Variants in COBL observed in about 807,000 individuals in gnomAD.
COBL encodes protein cordon-bleu.
In COBL, 51 loss-of-function variants were observed where a neutral mutation model predicts 98.8. That is an observed-to-expected ratio of 0.52 (90% CI 0.41 to 0.65). The LOEUF is 0.65. COBL is among the 30% of genes least tolerant of loss of function. COBL has a pLI of 0.00. For missense variants in COBL, 1,617 were observed against 1,617.5 expected, an observed-to-expected ratio of 1.00 and a Z score of 0.01; for synonymous variants, 634 against 651.7, an observed-to-expected ratio of 0.97 and a Z score of 0.41.
intron 6 of COBL, among the ~76,000 whole-genome samples, chr7:51,102,836 G>A (rs1303950182): frequency 2.0e-5 from 3 of 152,204 alleles, no homozygotes; most frequent in Admixed American, 6.5e-5. Context: ...GGAAAACCAG[G>A]TGGATTTCTT....
intron 7 of COBL, among the ~76,000 whole-genome samples, chr7:51,065,841 G>A (rs934118788): frequency 3.9e-5 from 6 of 152,190 alleles, no homozygotes; most frequent in Admixed American, 2.6e-4. Context: ...GAAGCCATTC[G>A]GGTGGAGGCC....
chr7:51,297,844 T>C (rs963495103), intron 1 of COBL, among the ~76,000 whole-genome samples: 2 of 152,236 alleles, frequency 1.3e-5, no homozygotes, highest in Non-Finnish European at 2.9e-5. Flanking sequence ...ACTCGATGTA[T>C]GTTTTTAATG....
At chr7:51,047,284 T>C (rs1323762195) in intron 7 of COBL, among the ~76,000 whole-genome samples, 2 of 152,212 alleles carry the variant, frequency 1.3e-5, no homozygotes, top group Admixed American at 1.3e-4. Flanking sequence ...AGAGCCTGAG[T>C]AAGGAATATT....
intron 6 of COBL, among the ~76,000 whole-genome samples, chr7:51,098,748 A>T (rs550923368): frequency 4.7e-4 from 72 of 152,350 alleles, no homozygotes; most frequent in Non-Finnish European, 9.3e-4. Flanking sequence ...AAAAGCAAAA[A>T]TAGACTAATG....
chr7:51,274,409 T>C (rs1315552566), intron 1 of COBL, among the ~76,000 whole-genome samples: 4 of 152,236 alleles, frequency 2.6e-5, no homozygotes, highest in Non-Finnish European at 4.4e-5. Context: ...CTTCATCTGT[T>C]TGTCTCATCA....
At chr7:51,134,739 A>T (rs1799066644) in intron 6 of COBL, among the ~76,000 whole-genome samples, 1 of 152,206 alleles carries the variant, frequency 6.6e-6, no homozygotes, top group Non-Finnish European at 1.5e-5. Context: ...TCTGCATATT[A>T]TAAAAAAGTT....
intron 1 of COBL, among the ~76,000 whole-genome samples, chr7:51,289,767 C>A (rs1333177687): frequency 6.6e-6 from 1 of 152,218 alleles, no homozygotes; most frequent in Non-Finnish European, 1.5e-5. Flanking sequence ...AACAATGACG[C>A]CTCCTTTGAG....
At chr7:51,273,976 G>A (rs545106471) in intron 1 of COBL, among the ~76,000 whole-genome samples, 73 of 152,152 alleles carry the variant, frequency 4.8e-4, no homozygotes, top group Admixed American at 1.2e-3. Context: ...CATCAAATGC[G>A]ATCTTCTTCA....
intron 1 of COBL, among the ~76,000 whole-genome samples, chr7:51,282,577 A>G (rs1799905170): frequency 6.6e-6 from 1 of 152,118 alleles, no homozygotes; most frequent in Admixed American, 6.5e-5. Flanking sequence ...TACAACAACA[A>G]TGAAATAGAT....
At chr7:51,085,779 C>G (rs930621014) in intron 6 of COBL, among the ~76,000 whole-genome samples, 2 of 152,228 alleles carry the variant, frequency 1.3e-5, no homozygotes, top group Non-Finnish European at 2.9e-5. Context: ...AGGTTTGTTT[C>G]CCTGACTGCA....
chr7:51,307,067 G>A (rs1475720923), intron 1 of COBL, among the ~76,000 whole-genome samples: 2 of 152,200 alleles, frequency 1.3e-5, no homozygotes, highest in Non-Finnish European at 2.9e-5. Context: ...AGGACAGGCC[G>A]GGTGCAGTGG....
chr7:51,150,973 C>G (rs1199922492), intron 5 of COBL, among the ~76,000 whole-genome samples: 1 of 152,058 alleles, frequency 6.6e-6, no homozygotes. Context: ...CACCTGCCCC[C>G]CTCCCCGCCC....
chr7:51,310,617 AC>A (rs1802934785), intron 1 of COBL, among the ~76,000 whole-genome samples: 2 of 152,134 alleles, frequency 1.3e-5, no homozygotes, highest in Admixed American at 1.3e-4. Context: ...ACCAGCCAGG[AC>A]GCGTGACTTA....
chr7:51,205,070 T>C (rs959908086), intron 2 of COBL, among the ~76,000 whole-genome samples: 2 of 152,202 alleles, frequency 1.3e-5, no homozygotes, highest in Non-Finnish European at 2.9e-5. Context: ...TTAATATTGT[T>C]ACAATTTCCA....
chr7:51,091,414 G>A (rs1190601021), intron 6 of COBL, among the ~76,000 whole-genome samples: 1 of 152,128 alleles, frequency 6.6e-6, no homozygotes, highest in Non-Finnish European at 1.5e-5. Context: ...TCAACAGCAG[G>A]CTGTATTAAG....
At chr7:51,026,943 T>C (rs573834146) in intron 10 of COBL, among the ~76,000 whole-genome samples, 4 of 152,286 alleles carry the variant, frequency 2.6e-5, no homozygotes, top group Admixed American at 6.5e-5. Context: ...CCGAGGCCTA[T>C]AGGGTCAGTT....
intron 5 of COBL, among the ~76,000 whole-genome samples, chr7:51,146,572 T>C (rs1173511969): frequency 1.3e-5 from 2 of 148,542 alleles, no homozygotes; most frequent in Non-Finnish European, 3.0e-5. Flanking sequence ...CGTTCTCCCA[T>C]TAAGATATTA....
At chr7:51,141,046 AC>A (rs1186679610) in intron 5 of COBL, among the ~76,000 whole-genome samples, 1 of 151,740 alleles carries the variant, frequency 6.6e-6, no homozygotes, top group African/African-American at 2.4e-5. Context: ...GTGTACTTCA[AC>A]CCCTTACTGT....
chr7:51,029,996 ACTT>A (rs1384498816), intron 9 of COBL, among the ~76,000 whole-genome samples: 1 of 152,204 alleles, frequency 6.6e-6, no homozygotes, highest in African/African-American at 2.4e-5. Context: ...TGTAGCTTTA[ACTT>A]CTTAAGGAAG....
Sources: gnomAD v4.1 joint callset for allele counts (sites outside exome capture counted in the v4.1 genomes callset) on GRCh38, gnomAD v4.1.1 for gene constraint, MANE v1.5 for transcripts, NCBI Gene and HGNC (gene_info 2026-07-23, HGNC 2026-07-21) for gene names.